TCTN1: variants seen among roughly 807,000 people sequenced by gnomAD.
TCTN1 encodes the protein tectonic family member 1.
A neutral mutation model predicts 65.8 loss-of-function variants in TCTN1; 58 were observed. The observed-to-expected ratio is 0.88, with a 90% CI of 0.71 to 1.10. The LOEUF (loss-of-function observed/expected upper bound fraction) is 1.10, where lower values mean the gene tolerates loss of function less well. Among genes scored for constraint, TCTN1 ranks in the 50% least tolerant of loss-of-function variants. TCTN1 has a pLI of 0.00. For missense variants in TCTN1, 645 were observed against 719.4 expected (o/e 0.90, Z 1.18); for synonymous variants, 273 against 289.1 (o/e 0.94, Z 0.57).
intron 1 of TCTN1, among the ~76,000 whole-genome samples, chr12:110,617,080 G>A (rs550180343): frequency 6.6e-6 from 1 of 152,222 alleles, no homozygotes; most frequent in African/African-American, 2.4e-5. Flanking sequence ...CTGCCTATAA[G>A]GGCTTTAAGT....
At chr12:110,617,471 G>A (rs1363370750) in intron 1 of TCTN1, among the ~76,000 whole-genome samples, 4 of 151,478 alleles carry the variant, frequency 2.6e-5, no homozygotes, top group African/African-American at 9.7e-5. Flanking sequence ...TTACAGCCGC[G>A]CGCCACCATG....
chr12:110,615,448 C>T (rs2064971432), intron 1 of TCTN1, among the ~76,000 whole-genome samples: 1 of 151,992 alleles, frequency 6.6e-6, no homozygotes, highest in Non-Finnish European at 1.5e-5. Flanking sequence ...TGAGAGTAAC[C>T]CCAATAGATA....
intron 4 of TCTN1, 32 bp downstream of exon 4, chr12:110,628,950 C>T (rs958407378): frequency 1.9e-6 from 3 of 1,611,460 alleles, no homozygotes; most frequent in African/African-American, 1.3e-5. Context: ...TCTTTTCATC[C>T]CATCACAAAT....
intron 3 of TCTN1, among the ~76,000 whole-genome samples, chr12:110,627,260 GC>G (rs2065921846): frequency 6.6e-6 from 1 of 151,834 alleles, no homozygotes; most frequent in Non-Finnish European, 1.5e-5. Context: ...ACCACACCCA[GC>G]TAATTTTTTA....
At chr12:110,642,431 G>A in intron 11 of TCTN1, 42 bp downstream of exon 11, 1 of 1,614,036 alleles carries the variant, frequency 6.2e-7, no homozygotes, top group Non-Finnish European at 8.5e-7. Context: ...GTGCTGATCA[G>A]AAAACAAAGC....
In TCTN1 at chr12:110,649,363, C is replaced by T. The variant is rs1479594089; in HGVS notation, c.*322C>T. ...GGCAGCTGTTCCTCTCGTGACAGCA[C>T]AGGCCCATGAGACAGTGTCTTCTTT... On this transcript the variant is annotated 3_prime_UTR_variant, in exon 15 of 15. Coordinates refer to ENST00000397659, the MANE Select transcript of TCTN1 (RefSeq NM_001082538.3). 6.7e-7 allele frequency: 1 copy of T among 1,495,650 alleles called. No homozygotes were observed. The highest frequency in any genetic ancestry group is 9.3e-7 in the Non-Finnish European group (1 of 1,078,180). The allele number at this position is 1,495,650 out of a possible 1,614,324, so 92.6% of individuals were successfully genotyped here.
rs759545967 is a variant in TCTN1 at position 110,640,393 on chromosome 12, CTGTTCAG to C, written c.856_862del (p.Val286ProfsTer7). The C allele has an allele frequency of 1.9e-6, 3 of 1,614,194 alleles. No individual in the cohort carries two copies. The highest frequency in any genetic ancestry group is 2.5e-6 in the Non-Finnish European group (3 of 1,180,038). The stretch of plus-strand genomic sequence containing the variant: ...GTCTTCACTCTGCAGGTCCCTATCA[CTGTTCAG>C]TCCATCGTCATTCAGTCTCTAAATA... On this transcript the variant is annotated frameshift_variant, in exon 8 of 15. Transcript: ENST00000397659. LOFTEE classifies it high-confidence loss of function. The surrounding 1 kb of genome is among the most constrained non-coding windows in gnomAD (Gnocchi z 4.9).
intron 1 of TCTN1, among the ~76,000 whole-genome samples, chr12:110,615,030 G>A (rs992683238): frequency 2.0e-5 from 3 of 152,170 alleles, no homozygotes; most frequent in Admixed American, 6.6e-5. Context: ...CGTGGCTCAC[G>A]CCTGTAATCC....
chr12:110,645,233 T>A, intron 12 of TCTN1, 104 bp downstream of exon 12: 1 of 1,472,732 alleles, frequency 6.8e-7, no homozygotes, highest in Non-Finnish European at 9.3e-7. Flanking sequence ...AGGATGGCCC[T>A]GAGTGGGAGC....
Position 110,621,721 on chromosome 12 carries a change from C to G in TCTN1, c.341+1765C>G, listed in dbSNP as rs568688046. Among the ~76,000 whole-genome samples, 5 of 152,164 alleles carry G rather than the reference C, an allele frequency of 3.3e-5. No individual in the cohort carries two copies. The South Asian group carries it at 1.0e-3, about 32-fold the overall frequency. Reference sequence around the variant, plus strand: ...ACTTCTGACCTCGTGATCCGCCCACCTCGGCCTCCCAAAGTGCTGGGATTA... The same window carrying G: ...ACTTCTGACCTCGTGATCCGCCCACGTCGGCCTCCCAAAGTGCTGGGATTA... On this transcript the variant is annotated intron_variant, in intron 2 of 14. Coordinates refer to ENST00000397659, the MANE Select transcript of TCTN1 (RefSeq NM_001082538.3).
At position 110,614,403 on chromosome 12, in the gene TCTN1, G is replaced by A. The variant is rs1278714801; in HGVS notation, c.220+1G>A. 6.3e-7 allele frequency: 1 copy of A among 1,593,126 alleles called. No individual in the cohort carries two copies. Among genetic ancestry groups the A allele is most frequent in the Non-Finnish European group, 8.5e-7 (1 of 1,170,036 alleles). On this transcript the variant is annotated splice_donor_variant, in intron 1 of 14. Coordinates refer to ENST00000397659, the MANE Select transcript of TCTN1 (RefSeq NM_001082538.3). LOFTEE classifies it high-confidence loss of function. ...CCCAGGCCTACCCCAGTCACGGACG[G>A]TGGGTACCATGTGCCAGCTCCTGGA...
chr12:110,635,414 G>C (rs940524569), intron 6 of TCTN1, among the ~76,000 whole-genome samples: 3 of 152,090 alleles, frequency 2.0e-5, no homozygotes, highest in Non-Finnish European at 4.4e-5. Flanking sequence ...AAGAGTTCAA[G>C]AACCAGCCTG....
intron 1 of TCTN1, 44 bp downstream of exon 1, chr12:110,614,446 C>T (rs576724927): frequency 6.4e-7 from 1 of 1,563,118 alleles, no homozygotes; most frequent in African/African-American, 1.4e-5. Context: ...GTGATCCAAC[C>T]TCAAGGGGAC....
chr12:110,642,948 G>T (rs2067059817), intron 11 of TCTN1, among the ~76,000 whole-genome samples: 1 of 152,132 alleles, frequency 6.6e-6, no homozygotes, highest in Admixed American at 6.5e-5. Flanking sequence ...TAGAGACGGG[G>T]TTTCACCATG....
intron 1 of TCTN1, among the ~76,000 whole-genome samples, chr12:110,618,218 C>T (rs532873582): frequency 2.9e-4 from 44 of 151,412 alleles, no homozygotes; most frequent in South Asian, 4.2e-4. Flanking sequence ...GGATTACAGG[C>T]GCCCACCACC....
chr12:110,640,559 C>A lies in TCTN1; in HGVS notation c.978+42C>A, dbSNP rs767868922. On this transcript the variant is annotated intron_variant, in intron 8 of 14. Coordinates refer to ENST00000397659, the MANE Select transcript of TCTN1 (RefSeq NM_001082538.3). This position sits in a 1 kb window ranked among gnomAD's most constrained non-coding sequence, Gnocchi z 4.9. ...GCTTTGAGAGCTTGTCTGTGGCAGA[C>A]TTAAGCCTCTTGTTGCGCCGGGGTA... is the stretch of plus-strand genomic sequence containing the variant. 5 of 1,613,756 alleles carry A rather than the reference C, an allele frequency of 3.1e-6. No homozygotes were observed. Among genetic ancestry groups the A allele is most frequent in the Non-Finnish European group, 4.2e-6 (5 of 1,179,974 alleles).
rs1316989705 is a variant in TCTN1, at chr12:110,642,278, A to C, written c.1220A>C (p.Tyr407Ser). The C allele has an allele frequency of 6.2e-7, 1 of 1,614,228 alleles. No homozygotes were observed. Among genetic ancestry groups the C allele is most frequent in the South Asian group, 1.1e-5 (1 of 91,088 alleles). Residue 407 changes from tyrosine (Y) to serine (S), a missense_variant, in exon 11 of 15, where the codon TAT becomes TCT. Tyr to Ser is a moderately radical substitution (Grantham distance 144). Transcript: ENST00000397659. ...GGGATTATTCAGACCACAAATAGATATGGACAGCTTACTATTCTTCATAGC... is the reference window on the plus strand; with the variant it reads ...GGGATTATTCAGACCACAAATAGATCTGGACAGCTTACTATTCTTCATAGC... Reference protein sequence around the residue: ...GSGIIQTTNRYGQLTILHSTT... With the variant: ...GSGIIQTTNRSGQLTILHSTT...
At position 110,640,349 on chromosome 12, in the gene TCTN1, A is replaced by G; in HGVS notation, c.844-34A>G. 6.2e-7 allele frequency: 1 copy of G among 1,614,014 alleles called. No individual in the cohort carries two copies. The highest frequency in any genetic ancestry group is 8.5e-7 in the Non-Finnish European group (1 of 1,179,968). On this transcript the variant is annotated intron_variant, in intron 7 of 14. Coordinates refer to ENST00000397659, the MANE Select transcript of TCTN1 (RefSeq NM_001082538.3). This position sits in a 1 kb window ranked among gnomAD's most constrained non-coding sequence, Gnocchi z 4.9. Reference sequence around the variant, plus strand: ...ATTTTAGCCCATCCTCCCTGGGTAGAGCATCTTCAACACTCCAGGTCTTCA... The same window carrying G: ...ATTTTAGCCCATCCTCCCTGGGTAGGGCATCTTCAACACTCCAGGTCTTCA...
chr12:110,648,301 C>G (rs114478164), intron 14 of TCTN1, among the ~76,000 whole-genome samples: 43 of 152,290 alleles, frequency 2.8e-4, no homozygotes, highest in African/African-American at 1.0e-3. Context: ...GAGGTTGCCT[C>G]CAAACCAGCA....
Sources: allele counts gnomAD v4.1 joint callset (sites outside exome capture counted in the v4.1 genomes callset), GRCh38; gene constraint gnomAD v4.1.1; non-coding constraint Gnocchi (gnomAD v3.1); transcripts MANE v1.5; gene names NCBI Gene and HGNC (gene_info 2026-07-23, HGNC 2026-07-21).